Variants in TTI1 observed in about 807,000 individuals in gnomAD.
TTI1 encodes TELO2 interacting protein 1.
A neutral mutation model predicts 85.4 loss-of-function variants in TTI1; 52 were observed. The ratio of observed to expected loss-of-function variants is 0.61; its 90% CI spans 0.49 to 0.77. The LOEUF (loss-of-function observed/expected upper bound fraction) is 0.77. TTI1 is among the 30% of genes least tolerant of loss of function. TTI1 has a pLI of 0.00. For synonymous variants in TTI1, 512 were observed against 503.9 expected, an observed-to-expected ratio of 1.02 and a Z score of -0.22; for missense variants, 1,173 against 1,296.0, an observed-to-expected ratio of 0.91 and a Z score of 1.46.
Position 38,013,685 on chromosome 20 carries a change from G to C in TTI1, c.132C>G (p.Ala44=). The change falls in exon 2 of 8, where the codon GCC becomes GCG. Residue 44 remains alanine (A), a synonymous_variant. Transcript: ENST00000373447. ...GGATGTACTGCTGAAGTTCCTGAAG[G>C]GCACTGTCACTCACAGCTTGTAGTC... ...QTRLQAVSDS[A]LQELQQYILF... is the part of the protein sequence containing the mutation. 6.2e-7 allele frequency: 1 copy of C among 1,614,154 alleles called. No individual in the cohort carries two copies.
At chr20:38,008,129 TAC>T (rs2073528894) in intron 2 of TTI1, among the ~76,000 whole-genome samples, 3 of 152,214 alleles carry the variant, frequency 2.0e-5, no homozygotes, top group South Asian at 2.1e-4. Context: ...AGCTTGGTAA[TAC>T]ACAGTGTGGG....
rs149972501 is a variant in TTI1 at position 38,012,721 on chromosome 20, C to A, written c.1096G>T (p.Gly366Cys). ...AAGATGTCAGCGAGGGCTTTGTTGC[C>A]CACCACTACTTTTTGATCTGCAAAA... ...RHFADQKVVV[G>C]NKALADILSE... is the part of the protein sequence containing the mutation. Residue 366 changes from glycine (G) to cysteine (C), a missense_variant, in exon 2 of 8, where the codon GGC becomes TGC. Gly to Cys is a radical substitution (Grantham distance 159). Coordinates refer to ENST00000373447, the MANE Select transcript of TTI1 (RefSeq NM_001303457.2). 4.7e-4 allele frequency: 766 copies of A among 1,614,142 alleles called. 1 individual carries two copies. The African/African-American group carries it at 6.6e-3, about 14-fold the overall frequency.
At chr20:38,001,033 C>T (rs543649874) in intron 4 of TTI1, among the ~76,000 whole-genome samples, 2 of 152,262 alleles carry the variant, frequency 1.3e-5, no homozygotes, top group South Asian at 2.1e-4. Flanking sequence ...TCAAATAGAA[C>T]GTGCTATTAC....
intron 5 of TTI1, among the ~76,000 whole-genome samples, chr20:37,998,258 T>TAC (rs749786432): frequency 8.4e-5 from 12 of 143,320 alleles, no homozygotes; most frequent in African/African-American, 1.3e-4. Context: ...CACACATACA[T>TAC]ACACACACAC....
At chr20:38,031,993 C>T (rs1030671945) in intron 1 of TTI1, among the ~76,000 whole-genome samples, 1 of 152,136 alleles carries the variant, frequency 6.6e-6, no homozygotes, top group African/African-American at 2.4e-5. Context: ...ATCTAGATTT[C>T]GACACAAAAG....
rs547643349 is a variant in TTI1 at position 38,024,640 on chromosome 20, CT to C, written c.-42+8763del. ...AAAAAACTTTTGGACAACAAACGCTCTACTCCAGCCAAACACTACAGAAAAT... is the reference window on the plus strand; with the variant it reads ...AAAAAACTTTTGGACAACAAACGCTCACTCCAGCCAAACACTACAGAAAAT... On this transcript the variant is annotated intron_variant, in intron 1 of 7. Coordinates refer to ENST00000373447, the MANE Select transcript of TTI1 (RefSeq NM_001303457.2). Among the ~76,000 whole-genome samples, 308 of 152,314 alleles carry C rather than the reference CT, an allele frequency of 2.0e-3. 1 individual carries two copies. The highest frequency in any genetic ancestry group is 7.0e-3 in the African/African-American group (293 of 41,562).
chr20:37,996,285 A>G, intron 7 of TTI1, 90 bp downstream of exon 7: 3 of 1,349,112 alleles, frequency 2.2e-6, no homozygotes, highest in Non-Finnish European at 3.2e-6. Context: ...CAGAGAAAAG[A>G]GCAGAGATGC....
At chr20:38,003,931 G>A (rs2073461493) in intron 3 of TTI1, among the ~76,000 whole-genome samples, 1 of 152,050 alleles carries the variant, frequency 6.6e-6, no homozygotes, top group South Asian at 2.1e-4. Context: ...AACTTCTGAT[G>A]GCCAGAATCA....
chr20:38,020,323 A>AAATATATATATATATATAT, intron 1 of TTI1, among the ~76,000 whole-genome samples: 21 of 50,332 alleles, frequency 4.2e-4, no homozygotes, highest in African/African-American at 5.4e-4. Flanking sequence ...AAAAAAAAAA[A>AAATATATATATATATATAT]ATATATATAT....
intron 1 of TTI1, among the ~76,000 whole-genome samples, chr20:38,018,782 T>A (rs2073720275): frequency 7.2e-6 from 1 of 138,992 alleles, no homozygotes; most frequent in South Asian, 2.2e-4. Flanking sequence ...CCAACTTTGA[T>A]TTTTTTTTTT....
At chr20:38,018,656 C>G (rs958678744) in intron 1 of TTI1, among the ~76,000 whole-genome samples, 1 of 151,640 alleles carries the variant, frequency 6.6e-6, no homozygotes, top group African/African-American at 2.4e-5. Flanking sequence ...TGCTGAAAAA[C>G]AAAGAAAAAG....
At chr20:38,003,271 G>A (rs1337968910) in intron 3 of TTI1, among the ~76,000 whole-genome samples, 1 of 152,132 alleles carries the variant, frequency 6.6e-6, no homozygotes, top group Non-Finnish European at 1.5e-5. Context: ...CTAAGCATGG[G>A]TTTTAATGAC....
intron 7 of TTI1, among the ~76,000 whole-genome samples, chr20:37,990,455 C>T (rs112612380): frequency 2.0e-4 from 30 of 152,242 alleles, no homozygotes; most frequent in African/African-American, 6.5e-4. Flanking sequence ...AATTAATTTG[C>T]CAAGGTTATC....
At chr20:38,008,403 C>T (rs938611628) in intron 2 of TTI1, among the ~76,000 whole-genome samples, 11 of 152,198 alleles carry the variant, frequency 7.2e-5, no homozygotes, top group African/African-American at 2.7e-4. Flanking sequence ...GTTAAATACA[C>T]TATGGTGCAG....
chr20:38,027,878 C>T (rs905294542), intron 1 of TTI1, among the ~76,000 whole-genome samples: 12 of 152,056 alleles, frequency 7.9e-5, no homozygotes, highest in East Asian at 3.9e-4. Flanking sequence ...GAGCCAAGAT[C>T]GCACCATTGA....
intron 1 of TTI1, among the ~76,000 whole-genome samples, chr20:38,017,336 G>A (rs2073696552): frequency 6.6e-6 from 1 of 152,078 alleles, no homozygotes; most frequent in Non-Finnish European, 1.5e-5. Context: ...TCCAATACTT[G>A]TGGAAGCAAC....
At position 37,983,217 on chromosome 20, in the gene TTI1, C is replaced by T; in HGVS notation, c.*239G>A. ...AGATGGTAGGCTAAGGGGTTAAACC[C>T]TTAGAGCCACCAGACAATGTCACTT... On this transcript the variant is annotated 3_prime_UTR_variant, in exon 8 of 8. Coordinates refer to ENST00000373447, the MANE Select transcript of TTI1 (RefSeq NM_001303457.2). 2.2e-6 allele frequency: 1 copy of T among 458,748 alleles called. No individual in the cohort carries two copies. Among genetic ancestry groups the T allele is most frequent in the Non-Finnish European group, 4.0e-6 (1 of 252,272 alleles). 28.4% of individuals were successfully genotyped at this position (458,748 alleles called of 1,614,324 possible).
At position 38,012,981 on chromosome 20, in the gene TTI1, C is replaced by A; in HGVS notation, c.836G>T (p.Trp279Leu). The A allele has an allele frequency of 6.2e-7, 1 of 1,614,042 alleles. No individual in the cohort carries two copies. Among genetic ancestry groups the A allele is most frequent in the Non-Finnish European group, 8.5e-7 (1 of 1,180,038 alleles). ...AELMVYREAD[W>L]VKKTGDKLTI... ...CAACTTGTCGCCAGTCTTTTTTACC[C>A]AATCTGCTTCCCTGTAAACCATCAG... Residue 279 changes from tryptophan (W) to leucine (L), a missense_variant, in exon 2 of 8, where the codon TGG (tryptophan) becomes TTG (leucine). By Grantham distance (61) the Trp-to-Leu change is moderately conservative (BLOSUM62 -2). Coordinates refer to ENST00000373447, the MANE Select transcript of TTI1 (RefSeq NM_001303457.2).
chr20:37,996,537 G>T, intron 6 of TTI1, 75 bp from the exon 7 acceptor site: 1 of 1,550,312 alleles, frequency 6.5e-7, no homozygotes, highest in South Asian at 1.1e-5. Flanking sequence ...ACTGTGTCTG[G>T]AGAAACTGCA....
Sources: gnomAD v4.1 joint callset for allele counts (sites outside exome capture counted in the v4.1 genomes callset) on GRCh38, gnomAD v4.1.1 for gene constraint, MANE v1.5 for transcripts, NCBI Gene and HGNC (gene_info 2026-07-23, HGNC 2026-07-21) for gene names.